Variants in GPRC5A observed in about 807,000 individuals in gnomAD.
GPRC5A encodes retinoic acid-induced protein 3.
A neutral mutation model predicts 22.5 loss-of-function variants in GPRC5A; 19 were observed. That is an observed-to-expected ratio of 0.85 (90% CI 0.59 to 1.24). The LOEUF (loss-of-function observed/expected upper bound fraction) is 1.24. GPRC5A is among the 50% of genes most tolerant of loss of function. The pLI, the probability that GPRC5A is intolerant of heterozygous loss-of-function variation, is 0.00. For missense variants in GPRC5A, 471 were observed against 451.1 expected (o/e 1.04, Z -0.40); for synonymous variants, 192 against 184.5 (o/e 1.04, Z -0.33).
At chr12:12,893,091 G>T (rs1392950944) in intron 1 of GPRC5A, among the ~76,000 whole-genome samples, 1 of 152,190 alleles carries the variant, frequency 6.6e-6, no homozygotes, top group African/African-American at 2.4e-5. Flanking sequence ...TGGTTTCCCG[G>T]GAAGAGCTCT....
At chr12:12,896,604 A>G (rs1863824932) in intron 1 of GPRC5A, among the ~76,000 whole-genome samples, 1 of 152,208 alleles carries the variant, frequency 6.6e-6, no homozygotes, top group South Asian at 2.1e-4. Flanking sequence ...ACTTGCCAAT[A>G]AATAACTTGC....
At chr12:12,907,290 A>G (rs1863952032) in intron 1 of GPRC5A, among the ~76,000 whole-genome samples, 1 of 146,634 alleles carries the variant, frequency 6.8e-6, no homozygotes, top group Non-Finnish European at 1.5e-5. Flanking sequence ...AGTACCAGCT[A>G]CTCTGGAGGC....
chr12:12,898,313 AC>A (rs1863844663), intron 1 of GPRC5A, among the ~76,000 whole-genome samples: 1 of 152,162 alleles, frequency 6.6e-6, no homozygotes, highest in Non-Finnish European at 1.5e-5. Flanking sequence ...CGGGCAGATC[AC>A]CTGAGCCTCA....
At position 12,914,061 on chromosome 12, in the gene GPRC5A, T is replaced by C. The variant is rs1411296072; in HGVS notation, c.*1522T>C. On this transcript the variant is annotated 3_prime_UTR_variant, in exon 4 of 4. Transcript: ENST00000014914. ...GGCAAAAACATGTGACACCTAACCATGATAATTGACTTAATCCAAGAAAGA... is the reference window on the plus strand; with the variant it reads ...GGCAAAAACATGTGACACCTAACCACGATAATTGACTTAATCCAAGAAAGA... The C allele has an allele frequency of 1.3e-5, 2 of 152,174 alleles. No individual in the cohort carries two copies. The highest frequency in any genetic ancestry group is 1.3e-4 in the Admixed American group (2 of 15,262). The allele number at this position is 152,174 out of a possible 1,614,324, so 9.4% of individuals were successfully genotyped here. A position where few individuals can be genotyped will look rare whatever the true frequency, so the allele number is the denominator to read the frequency against.
chr12:12,911,062 G>A (rs900544733), intron 2 of GPRC5A, among the ~76,000 whole-genome samples: 2 of 152,004 alleles, frequency 1.3e-5, no homozygotes, highest in South Asian at 2.1e-4. Flanking sequence ...TAGTAGAGAC[G>A]GGGTTTCACC....
intron 1 of GPRC5A, among the ~76,000 whole-genome samples, chr12:12,904,996 T>A (rs886732847): frequency 1.3e-5 from 2 of 151,488 alleles, no homozygotes; most frequent in Admixed American, 6.6e-5. Flanking sequence ...GCAATTCTTC[T>A]GCCTCAGCCT....
chr12:12,911,112 C>T (rs1429877555), intron 2 of GPRC5A, among the ~76,000 whole-genome samples: 1 of 152,116 alleles, frequency 6.6e-6, no homozygotes, highest in East Asian at 1.9e-4. Flanking sequence ...ACCTCATGAT[C>T]CGCCCGCCTA....
intron 1 of GPRC5A, among the ~76,000 whole-genome samples, chr12:12,900,626 A>T (rs991743327): frequency 6.6e-6 from 1 of 152,010 alleles, no homozygotes; most frequent in Non-Finnish European, 1.5e-5. Context: ...GGCCGGGCAC[A>T]GTGGCTCACG....
At chr12:12,912,399 A>G in intron 3 of GPRC5A, 48 bp from the exon 4 acceptor site, 1 of 1,230,184 alleles carries the variant, frequency 8.1e-7, no homozygotes, top group Non-Finnish European at 1.2e-6. Context: ...ACCTGTTGAA[A>G]TGGCAGGAAC....
At chr12:12,907,296 G>T (rs1440313489) in intron 1 of GPRC5A, among the ~76,000 whole-genome samples, 1 of 151,234 alleles carries the variant, frequency 6.6e-6, no homozygotes, top group Non-Finnish European at 1.5e-5. Context: ...AGCTACTCTG[G>T]AGGCTGAGGC....
In GPRC5A at chr12:12,913,620, A is replaced by G. The variant is rs1376526061; in HGVS notation, c.*1081A>G. ...AGTTATTCACCTGAGTATGCAATAA[A>G]GATGTGGTGGCCACTCTTTCATGGT... On this transcript the variant is annotated 3_prime_UTR_variant, in exon 4 of 4. Transcript: ENST00000014914. 1.3e-5 allele frequency: 2 copies of G among 152,180 alleles called. No individual in the cohort carries two copies. The highest frequency in any genetic ancestry group is 2.9e-5 in the Non-Finnish European group (2 of 68,032). The allele number at this position is 152,180 out of a possible 1,614,324, so 9.4% of individuals were successfully genotyped here.
In GPRC5A at chr12:12,908,658, C is replaced by T. The variant is rs1173443575; in HGVS notation, c.409C>T (p.Leu137=). 1.2e-6 allele frequency: 2 copies of T among 1,613,818 alleles called. No individual in the cohort carries two copies. Among genetic ancestry groups the T allele is most frequent in the Non-Finnish European group, 1.7e-6 (2 of 1,179,818 alleles). The part of the protein sequence containing the change: ...KPLSLLVILG[L]AVGFSLVQDV... ...CCTTTCCCTGTTGGTGATTCTGGGT[C>T]TGGCCGTGGGCTTCAGCCTAGTCCA... The change falls in exon 2 of 4, where the codon CTG becomes TTG. Residue 137 remains leucine, a synonymous_variant. Transcript: ENST00000014914.
chr12:12,899,807 C>T (rs1179947154), intron 1 of GPRC5A, among the ~76,000 whole-genome samples: 1 of 152,076 alleles, frequency 6.6e-6, no homozygotes, highest in Non-Finnish European at 1.5e-5. Flanking sequence ...ATTTTCAGGG[C>T]TGGGCTGGCG....
chr12:12,908,301 T>C lies in GPRC5A; in HGVS notation c.52T>C (p.Tyr18His). 1 of 1,612,028 alleles carries C rather than the reference T, an allele frequency of 6.2e-7. No individual in the cohort carries two copies. The highest frequency in any genetic ancestry group is 8.5e-7 in the Non-Finnish European group (1 of 1,179,062). The change falls in exon 2 of 4, where the codon TAC becomes CAC. Residue 18 changes from tyrosine to histidine, a missense_variant. Physicochemically the swap from Tyr to His is moderately conservative, Grantham distance 83. Transcript: ENST00000014914. ...GCRNGLKSKY[Y>H]RLCDKAEAWG... ...CCGCAATGGCCTGAAATCCAAGTACTACAGACTTTGTGATAAGGCTGAAGC... is the reference window on the plus strand; with the variant it reads ...CCGCAATGGCCTGAAATCCAAGTACCACAGACTTTGTGATAAGGCTGAAGC...
At chr12:12,904,908 T>C (rs1268772497) in intron 1 of GPRC5A, among the ~76,000 whole-genome samples, 2 of 140,896 alleles carry the variant, frequency 1.4e-5, no homozygotes, top group Admixed American at 7.4e-5. Context: ...TTTTTTGAGA[T>C]GGAATCTCTC....
chr12:12,898,447 C>G (rs1479324106), intron 1 of GPRC5A, among the ~76,000 whole-genome samples: 1 of 152,112 alleles, frequency 6.6e-6, no homozygotes, highest in Non-Finnish European at 1.5e-5. Flanking sequence ...AGGAGGATCA[C>G]CTGAGCCCAG....
intron 2 of GPRC5A, chr12:12,909,387 TG>T: frequency 1.9e-6 from 1 of 516,266 alleles, no homozygotes; most frequent in Non-Finnish European, 3.4e-6. Flanking sequence ...TTGAGTACTT[TG>T]TACAATTGGT....
intron 1 of GPRC5A, among the ~76,000 whole-genome samples, chr12:12,900,556 T>C (rs10772611): frequency 0.39 from 58,795 of 151,854 alleles, 12,082 homozygotes; most frequent in East Asian, 0.78. Flanking sequence ...CTTCCTCTTG[T>C]TCTTATTCTT....
At chr12:12,901,881 G>A (rs532980860) in intron 1 of GPRC5A, among the ~76,000 whole-genome samples, 28 of 151,808 alleles carry the variant, frequency 1.8e-4, no homozygotes, top group South Asian at 1.5e-3. Context: ...TAGATCTCCC[G>A]TCCTTTGACT....
Sources: allele counts gnomAD v4.1 joint callset (sites outside exome capture counted in the v4.1 genomes callset), GRCh38; gene constraint gnomAD v4.1.1; transcripts MANE v1.5; gene names NCBI Gene and HGNC (gene_info 2026-07-23, HGNC 2026-07-21).